Variants in GNLY observed in about 807,000 individuals in gnomAD.
GNLY encodes granulysin.
Under a neutral mutation model 18.5 loss-of-function variants are expected in GNLY, and 15 were observed. That is an observed-to-expected ratio of 0.81 (90% CI 0.54 to 1.25). GNLY has a LOEUF of 1.25. Among genes scored for constraint, GNLY ranks in the 50% most tolerant of loss-of-function variants. The pLI, the probability that GNLY is intolerant of heterozygous loss-of-function variation, is 0.00. For missense variants in GNLY, 178 were observed against 186.9 expected, an observed-to-expected ratio of 0.95 and a Z score of 0.28; for synonymous variants, 77 against 74.9, an observed-to-expected ratio of 1.03 and a Z score of -0.14.
In GNLY at chr2:85,698,829, A is replaced by G. The variant is rs1678571297; in HGVS notation, c.*255A>G. The G allele has an allele frequency of 7.0e-7, 1 of 1,438,112 alleles. No individual in the cohort carries two copies. The highest frequency in any genetic ancestry group is 2.6e-5 in the East Asian group (1 of 38,682). The allele number at this position is 1,438,112 out of a possible 1,614,324, so 89.1% of individuals were successfully genotyped here. ...GCTGGGGTGAGCTGTGTAGTCCTTC[A>G]ATAAATGTCTGTCGTGTGTCCCATA... On this transcript the variant is annotated 3_prime_UTR_variant, in exon 5 of 5. Transcript: ENST00000263863.
chr2:85,695,757 G>C (rs556345331), intron 2 of GNLY, among the ~76,000 whole-genome samples: 1 of 152,142 alleles, frequency 6.6e-6, no homozygotes, highest in Non-Finnish European at 1.5e-5. Context: ...CTGTTTCTGG[G>C]GTGTCTCAGA....
At chr2:85,695,088 G>T (rs1465436779) in intron 1 of GNLY, 3 of 1,265,094 alleles carry the variant, frequency 2.4e-6, no homozygotes, top group Admixed American at 4.1e-5. Context: ...CAGAGGAGAA[G>T]AGAGAGTCTC....
In GNLY at chr2:85,695,969, G is replaced by T; in HGVS notation, c.168G>T (p.Leu56Phe). ...LAQEGPQGDL[L>F]TKTQELGRDY... is the part of the protein sequence containing the mutation. ...TTCTTTCCTGACAGGGTGACCTGTTGACCAAAACACAGGAGCTGGGCCGTG... is the reference window on the plus strand; with the variant it reads ...TTCTTTCCTGACAGGGTGACCTGTTTACCAAAACACAGGAGCTGGGCCGTG... The change falls in exon 3 of 5, where the codon TTG becomes TTT. Residue 56 changes from leucine to phenylalanine, a missense_variant. Physicochemically the swap from Leu to Phe is conservative, Grantham distance 22. Transcript: ENST00000263863. 6.2e-7 allele frequency: 1 copy of T among 1,604,574 alleles called. No individual in the cohort carries two copies. Among genetic ancestry groups the T allele is most frequent in the Non-Finnish European group, 8.5e-7 (1 of 1,171,442 alleles).
In GNLY at chr2:85,698,564, G is replaced by A. The variant is rs752802595; in HGVS notation, c.428G>A (p.Gly143Asp). 2 of 1,613,016 alleles carry A rather than the reference G, an allele frequency of 1.2e-6. No individual in the cohort carries two copies. Among genetic ancestry groups the A allele is most frequent in the East Asian group, 2.2e-5 (1 of 44,876 alleles). Reference sequence around the variant, plus strand: ...CAGCTGGCTGTTCTCTCCTCTCCAGGTCCCCTCTGAGCCCTCTCACCTTGT... The same window carrying A: ...CAGCTGGCTGTTCTCTCCTCTCCAGATCCCCTCTGAGCCCTCTCACCTTGT... ...EDLRLCIPST[G>D]PL is the part of the protein sequence containing the mutation. The change falls in exon 5 of 5, where the codon GGT becomes GAT. Residue 143 changes from glycine to aspartate, a missense_variant and splice_region_variant. By Grantham distance (94) the Gly-to-Asp change is moderately conservative. Transcript: ENST00000263863.
chr2:85,694,720 T>A (rs1206762952), intron 1 of GNLY: 6 of 1,425,832 alleles, frequency 4.2e-6, no homozygotes, highest in Non-Finnish European at 5.5e-6. Context: ...CTGGCCACAC[T>A]GTGTGGCCTG....
At position 85,697,677 on chromosome 2, in the gene GNLY, G is replaced by A. The variant is rs760257496; in HGVS notation, c.427G>A (p.Gly143Ser). The stretch of plus-strand genomic sequence containing the variant: ...CCTCAGGTTGTGTATACCTTCTACA[G>A]GTGAGTGCAGAGGTGACAGCAGGGA... Reference protein sequence around the residue: ...EDLRLCIPSTGPL With the variant: ...EDLRLCIPSTSPL Residue 143 changes from glycine to serine, a missense_variant and splice_region_variant, in exon 4 of 5, where the codon GGT becomes AGT. By Grantham distance (56) the Gly-to-Ser change is moderately conservative. Transcript: ENST00000263863. 6.2e-7 allele frequency: 1 copy of A among 1,608,520 alleles called. No homozygotes were observed. The highest frequency in any genetic ancestry group is 1.1e-5 in the South Asian group (1 of 90,968).
chr2:85,697,519 A>G lies in GNLY; in HGVS notation c.269A>G (p.Asn90Ser), dbSNP rs768648157. Reference sequence around the variant, plus strand: ...CTGCTGCTGCAGAGAAGTGTTTCCAATGCTGCGACCCGGGTGTGTAGGACG... The same window carrying G: ...CTGCTGCTGCAGAGAAGTGTTTCCAGTGCTGCGACCCGGGTGTGTAGGACG... Reference protein sequence around the residue: ...VDKPTQRSVSNAATRVCRTGR... With the variant: ...VDKPTQRSVSSAATRVCRTGR... The change falls in exon 4 of 5, where the codon AAT (asparagine) becomes AGT (serine). Residue 90 changes from asparagine (N) to serine (S), a missense_variant. Transcript: ENST00000263863. 5.0e-6 allele frequency: 8 copies of G among 1,612,532 alleles called. No individual in the cohort carries two copies. The highest frequency in any genetic ancestry group is 1.7e-5 in the Admixed American group (1 of 60,028).
chr2:85,698,463 T>G, intron 4 of GNLY, 101 bp from the exon 5 acceptor site: 1 of 1,603,098 alleles, frequency 6.2e-7, no homozygotes, highest in South Asian at 1.1e-5. Context: ...TTCAGTAGGG[T>G]CAGGTGGCTC....
chr2:85,695,809 C>A, intron 2 of GNLY, 149 bp from the exon 3 acceptor site: 2 of 619,346 alleles, frequency 3.2e-6, no homozygotes, highest in South Asian at 3.9e-5. Flanking sequence ...GCCAGGCAGC[C>A]AGTTCAGGCC....
intron 4 of GNLY, 143 bp from the exon 5 acceptor site, chr2:85,698,421 C>A (rs769698035): frequency 1.6e-5 from 23 of 1,404,180 alleles, no homozygotes; most frequent in Non-Finnish European, 2.2e-5. Flanking sequence ...CTCAGGCTGC[C>A]GACTGGCTTC....
chr2:85,696,114 T>C, intron 3 of GNLY, 58 bp downstream of exon 3: 1 of 1,017,542 alleles, frequency 9.8e-7, no homozygotes, highest in Non-Finnish European at 1.5e-6. Flanking sequence ...GGCCAGCCTG[T>C]GACCAGGTCG....
At chr2:85,694,536 A>T (rs1262356191) in intron 1 of GNLY, 66 bp downstream of exon 1, 1 of 1,516,998 alleles carries the variant, frequency 6.6e-7, no homozygotes, top group African/African-American at 1.4e-5. Flanking sequence ...GGCTGGCTGA[A>T]CCTGGAGCTT....
At chr2:85,696,254 T>C in intron 3 of GNLY, 198 bp downstream of exon 3, 1 of 570,984 alleles carries the variant, frequency 1.8e-6, no homozygotes, top group Non-Finnish European at 3.1e-6. Context: ...TCTCTGGAAC[T>C]GTGTAAGTCA....
Position 85,697,492 on chromosome 2 carries a change from T to A in GNLY, c.256-14T>A. ...CACCCTATAACCATGTCCACTGTGG[T>A]GCTGCTGCTGCAGAGAAGTGTTTCC... On this transcript the variant is annotated splice_polypyrimidine_tract_variant and intron_variant, in intron 3 of 4. Coordinates refer to ENST00000263863, the MANE Select transcript of GNLY (RefSeq NM_006433.5). 1 of 1,609,680 alleles carries A rather than the reference T, an allele frequency of 6.2e-7. No individual in the cohort carries two copies. The highest frequency in any genetic ancestry group is 8.5e-7 in the Non-Finnish European group (1 of 1,177,720).
At chr2:85,697,377 C>T in intron 3 of GNLY, 129 bp from the exon 4 acceptor site, 1 of 801,172 alleles carries the variant, frequency 1.2e-6, no homozygotes, top group East Asian at 2.5e-5. Context: ...AGTCTCTGGC[C>T]CCATGGGCAC....
At position 85,697,702 on chromosome 2, in the gene GNLY, A is replaced by G. The variant is rs200186876; in HGVS notation, c.427+25A>G. On this transcript the variant is annotated intron_variant, in intron 4 of 4. Transcript: ENST00000263863. ...GGTGAGTGCAGAGGTGACAGCAGGG[A>G]TACCTCCTGAGGGTTGGAGACAGCT... 3 of 1,540,446 alleles carry G rather than the reference A, an allele frequency of 1.9e-6. No individual in the cohort carries two copies. The East Asian group carries it at 6.7e-5, about 35-fold the overall frequency.
intron 1 of GNLY, 154 bp downstream of exon 1, chr2:85,694,624 G>A: frequency 1.9e-6 from 2 of 1,048,878 alleles, no homozygotes; most frequent in Non-Finnish European, 1.4e-6. Context: ...TCCCCTCAGA[G>A]CCAGGCTTAG....
At chr2:85,697,483 C>A in intron 3 of GNLY, 23 bp from the exon 4 acceptor site, 1 of 1,608,250 alleles carries the variant, frequency 6.2e-7, no homozygotes, top group Non-Finnish European at 8.5e-7. Flanking sequence ...ATAACCATGT[C>A]CACTGTGGTG....
rs747286791 is a variant in GNLY, at chr2:85,695,399, G to C, written c.132G>C (p.Pro44=). The C allele has an allele frequency of 3.7e-6, 6 of 1,611,830 alleles. No homozygotes were observed. In the African/African-American group the frequency reaches 4.0e-5, roughly 11 times the overall value. The change falls in exon 2 of 5, where the codon CCG becomes CCC. Residue 44 remains proline, a synonymous_variant. Coordinates refer to ENST00000263863, the MANE Select transcript of GNLY (RefSeq NM_006433.5). ...AHLRDEEKSC[P]CLAQEGPQGD... ...TGCGTGATGAGGAGAAATCCTGCCCGTGCCTGGCCCAGGAGGGCCCCCAGG... is the reference window on the plus strand; with the variant it reads ...TGCGTGATGAGGAGAAATCCTGCCCCTGCCTGGCCCAGGAGGGCCCCCAGG...
Sources: allele counts gnomAD v4.1 joint callset (sites outside exome capture counted in the v4.1 genomes callset), GRCh38; gene constraint gnomAD v4.1.1; transcripts MANE v1.5; gene names NCBI Gene and HGNC (gene_info 2026-07-23, HGNC 2026-07-21).